Variants in PICALM observed in about 807,000 individuals in gnomAD.
PICALM encodes phosphatidylinositol-binding clathrin assembly protein.
Under a neutral mutation model 80.5 loss-of-function variants are expected in PICALM, and 40 were observed. That is an observed-to-expected ratio of 0.50 (90% confidence interval 0.39 to 0.65). PICALM has a LOEUF of 0.65. PICALM is among the 30% of genes least tolerant of loss of function. The probability of loss-of-function intolerance (pLI) is 0.00; values close to 1 mark genes in which losing one functional copy is unlikely to be tolerated. For synonymous variants in PICALM, 288 were observed against 260.3 expected, an observed-to-expected ratio of 1.11 and a Z score of -1.02; for missense variants, 676 against 778.9, an observed-to-expected ratio of 0.87 and a Z score of 1.57.
chr11:86,017,036 A>G (rs1714685175), intron 4 of PICALM, among the ~76,000 whole-genome samples: 1 of 152,178 alleles, frequency 6.6e-6, no homozygotes, highest in Non-Finnish European at 1.5e-5. Context: ...AGCCTGGCCA[A>G]TATGGTGAAA....
At position 85,981,731 on chromosome 11, in the gene PICALM, T is replaced by C; in HGVS notation, c.1679+14A>G. The C allele has an allele frequency of 6.3e-7, 1 of 1,593,694 alleles. No individual in the cohort carries two copies. Among genetic ancestry groups the C allele is most frequent in the Admixed American group, 1.7e-5 (1 of 59,970 alleles). On this transcript the variant is annotated intron_variant, in intron 16 of 19. Transcript: ENST00000393346. ...TAACACACGGAGAAAACAATGTGTATATTAAACACTCACTTCTTAGTGGTT... is the reference window on the plus strand; with the variant it reads ...TAACACACGGAGAAAACAATGTGTACATTAAACACTCACTTCTTAGTGGTT...
At chr11:85,976,898 CACTTAA>C (rs1239881645) in intron 17 of PICALM, 9 of 429,426 alleles carry the variant, frequency 2.1e-5, no homozygotes, top group African/African-American at 3.9e-5. Context: ...ATAACTATAC[CACTTAA>C]ACTTAGATAC....
intron 1 of PICALM, among the ~76,000 whole-genome samples, chr11:86,035,433 A>C (rs148548414): frequency 2.7e-4 from 41 of 152,336 alleles, no homozygotes; most frequent in African/African-American, 9.9e-4. Context: ...AACCACACTG[A>C]TACCCGAATA....
At chr11:86,025,549 T>A (rs888086012) in intron 3 of PICALM, among the ~76,000 whole-genome samples, 1 of 150,982 alleles carries the variant, frequency 6.6e-6, no homozygotes, top group African/African-American at 2.4e-5. Context: ...AAATATTACA[T>A]AGCATTTCTT....
At chr11:86,056,144 A>AAAAAAAAAAAAAAAAAAAAG (rs764339723) in intron 1 of PICALM, among the ~76,000 whole-genome samples, 2 of 118,846 alleles carry the variant, frequency 1.7e-5, no homozygotes, top group Admixed American at 1.8e-4. Flanking sequence ...TTAAAAAAAA[A>AAAAAAAAAAAAAAAAAAAAG]AAAAAAGAAA....
At chr11:85,988,162 T>C (rs2094637269) in intron 13 of PICALM, among the ~76,000 whole-genome samples, 1 of 152,246 alleles carries the variant, frequency 6.6e-6, no homozygotes, top group Admixed American at 6.5e-5. Context: ...GTTTTATTGC[T>C]ACCACACTGG....
intron 4 of PICALM, among the ~76,000 whole-genome samples, chr11:86,020,953 A>G (rs2136475102): frequency 6.6e-6 from 1 of 152,350 alleles, no homozygotes; most frequent in African/African-American, 2.4e-5. Context: ...CATGGGAGAA[A>G]AATATTTGCA....
At chr11:86,007,040 C>G (rs1178545562) in intron 8 of PICALM, among the ~76,000 whole-genome samples, 8 of 152,202 alleles carry the variant, frequency 5.3e-5, no homozygotes, top group African/African-American at 1.7e-4. Flanking sequence ...GTCACAGGGC[C>G]AGCTAATGGC....
At position 85,958,478 on chromosome 11, in the gene PICALM, T is replaced by A. The variant is rs781050195; in HGVS notation, c.*568A>T. The A allele has an allele frequency of 4.8e-6, 1 of 209,384 alleles. No homozygotes were observed. Among genetic ancestry groups the A allele is most frequent in the African/African-American group, 2.3e-5 (1 of 44,082 alleles). 13.0% of individuals were successfully genotyped at this position (209,384 alleles called of 1,614,324 possible). ...GAGGTCTGATACAATATTAATGTTA[T>A]GTAAAATTGATAATCATAAATAAAT... On this transcript the variant is annotated 3_prime_UTR_variant, in exon 20 of 20. Transcript: ENST00000393346.
chr11:86,068,945 G>C lies in PICALM; in HGVS notation c.-165C>G. On this transcript the variant is annotated 5_prime_UTR_variant, in exon 1 of 20. Transcript: ENST00000393346. Reference sequence around the variant, plus strand: ...GGGGCCGCGCGCTGCCACCAGTCCAGAGAGAACCGGCTCGTGTCACCCGCG... The same window carrying C: ...GGGGCCGCGCGCTGCCACCAGTCCACAGAGAACCGGCTCGTGTCACCCGCG... 4.6e-6 allele frequency: 4 copies of C among 862,922 alleles called. No individual in the cohort carries two copies. Among genetic ancestry groups the C allele is most frequent in the East Asian group, 2.8e-5 (1 of 35,714 alleles). The allele number at this position is 862,922 out of a possible 1,614,324, so 53.5% of individuals were successfully genotyped here.
chr11:85,970,667 G>A (rs2094075306), intron 19 of PICALM, among the ~76,000 whole-genome samples: 1 of 152,144 alleles, frequency 6.6e-6, no homozygotes, highest in African/African-American at 2.4e-5. Context: ...AATTAGTTGG[G>A]TGTGGTGGCG....
At chr11:86,021,523 A>C (rs2508380) in intron 4 of PICALM, among the ~76,000 whole-genome samples, 36 of 152,024 alleles carry the variant, frequency 2.4e-4, no homozygotes, top group South Asian at 1.2e-3. Flanking sequence ...GCAAAAAAAA[A>C]CCCAGAAAAT....
chr11:86,003,514 T>C lies in PICALM; in HGVS notation c.808-63A>G, dbSNP rs2095201661. On this transcript the variant is annotated intron_variant, in intron 8 of 19. Transcript: ENST00000393346. ...AGGCCACTGGTCAAATTAAATCAAG[T>C]ATCATCTAATTAGAGAGCAACAAAA... 3.9e-6 allele frequency: 4 copies of C among 1,020,136 alleles called. No individual in the cohort carries two copies. In the Admixed American group the frequency reaches 8.1e-5, roughly 21 times the overall value. 63.2% of individuals were successfully genotyped at this position (1,020,136 alleles called of 1,614,324 possible).
rs1408607127 is a variant in PICALM, at chr11:85,965,846, ACT to A, written c.1945-6788_1945-6787del. 2.6e-5 allele frequency among the ~76,000 whole-genome samples: 3 copies of A among 115,444 alleles called. No homozygotes were observed. The Admixed American group carries it at 3.4e-4, about 13-fold the overall frequency. 75.7% of individuals were successfully genotyped at this position (115,444 alleles called of 152,430 possible). ...TTTTTTTTTTTTTTTTTTGAGACAG[ACT>A]CTCTGTCGCCCAGGCTGGAGTACAG... On this transcript the variant is annotated intron_variant, in intron 19 of 19. Coordinates refer to ENST00000393346, the MANE Select transcript of PICALM (RefSeq NM_007166.4).
chr11:86,037,566 T>G (rs1191898703), intron 1 of PICALM, among the ~76,000 whole-genome samples: 1 of 151,576 alleles, frequency 6.6e-6, no homozygotes, highest in African/African-American at 2.4e-5. Flanking sequence ...CTCCCTAGTT[T>G]TTTTTTTTTT....
At chr11:86,027,294 A>G (rs566774041) in intron 2 of PICALM, among the ~76,000 whole-genome samples, 34 of 152,326 alleles carry the variant, frequency 2.2e-4, no homozygotes, top group African/African-American at 7.5e-4. Context: ...GTAAAAGCTC[A>G]TCTTCTCAAT....
intron 19 of PICALM, among the ~76,000 whole-genome samples, chr11:85,968,303 C>CA (rs1366676091): frequency 6.9e-6 from 1 of 144,466 alleles, no homozygotes; most frequent in Admixed American, 6.9e-5. Flanking sequence ...AAAAACAAAA[C>CA]AAACAAACAA....
At chr11:85,993,007 C>A (rs2094838872) in intron 12 of PICALM, among the ~76,000 whole-genome samples, 1 of 151,968 alleles carries the variant, frequency 6.6e-6, no homozygotes, top group Non-Finnish European at 1.5e-5. Context: ...ATAATAAAAA[C>A]CAATTCATTA....
chr11:85,987,415 C>T (rs1370882379), intron 13 of PICALM, among the ~76,000 whole-genome samples: 1 of 152,110 alleles, frequency 6.6e-6, no homozygotes, highest in Non-Finnish European at 1.5e-5. Flanking sequence ...AAATTTTTTA[C>T]TATTGCTATA....
Sources: allele counts gnomAD v4.1 joint callset (sites outside exome capture counted in the v4.1 genomes callset), GRCh38; gene constraint gnomAD v4.1.1; transcripts MANE v1.5; gene names NCBI Gene and HGNC (gene_info 2026-07-23, HGNC 2026-07-21).